Variants in PRSS53 observed in about 807,000 individuals in gnomAD.
PRSS53 encodes serine protease 53.
In PRSS53, 54 loss-of-function variants were observed where a neutral mutation model predicts 62.7. The ratio of observed to expected loss-of-function variants is 0.86; its 90% confidence interval spans 0.69 to 1.08. PRSS53 has a LOEUF of 1.08. Among genes scored for constraint, PRSS53 ranks in the 50% least tolerant of loss-of-function variants. PRSS53 has a pLI of 0.00. For synonymous variants in PRSS53, 273 were observed against 300.0 expected, an observed-to-expected ratio of 0.91 and a Z score of 0.93; for missense variants, 688 against 728.3, an observed-to-expected ratio of 0.94 and a Z score of 0.64.
At chr16:31,087,815 C>T (rs780756207) in exon 2 of PRSS53, 33 of 1,613,842 alleles carry the variant, frequency 2.0e-5, no homozygotes, top group Non-Finnish European at 2.5e-5. Context: ...CCACGCTGAG[C>T]GGCTTGAAGA....
At chr16:31,085,976 C>T in exon 6 of PRSS53, 4 of 1,613,786 alleles carry the variant, frequency 2.5e-6, no homozygotes, top group Non-Finnish European at 3.4e-6. Flanking sequence ...ACACAGCTGT[C>T]CTCATCACTC....
exon 11 of PRSS53, chr16:31,083,777 G>C: frequency 6.2e-7 from 1 of 1,614,130 alleles, no homozygotes; most frequent in Non-Finnish European, 8.5e-7. Context: ...CCTGAGAATG[G>C]CCAGGTCCCC....
chr16:31,085,948 C>A lies in PRSS53; in HGVS notation c.883+16G>T. The A allele has an allele frequency of 6.2e-7, 1 of 1,600,354 alleles. No homozygotes were observed. The highest frequency in any genetic ancestry group is 8.6e-7 in the Non-Finnish European group (1 of 1,168,534). ...CACAGTGGCTTCTGCCCACTCCCAG[C>A]ATGCCCCACTCGTACCTACACAGCT... On this transcript the variant is annotated intron_variant, in intron 6 of 10. Transcript: ENST00000280606.
exon 9 of PRSS53, chr16:31,084,624 A>T: frequency 1.2e-6 from 2 of 1,607,100 alleles, no homozygotes; most frequent in African/African-American, 1.3e-5. Flanking sequence ...GGCTGCCATC[A>T]CCCCCAGGAG....
In PRSS53 at chr16:31,084,280, C is replaced by G. The variant is rs1436554300; in HGVS notation, c.1481G>C (p.Gly494Ala). ...GCAAGCATCTCCGAAGCTGTGCAGC[C>G]CGGCCAGGAACCATGTGCCCCTCAC... Residue 494 changes from glycine (G) to alanine (A), a missense_variant, in exon 10 of 11, where the codon GGG becomes GCG. Physicochemically the swap from Gly to Ala is moderately conservative, Grantham distance 60. Coordinates refer to ENST00000280606, the Ensembl canonical transcript of PRSS53. The G allele has an allele frequency of 8.1e-6, 13 of 1,612,828 alleles. No homozygotes were observed. The Admixed American group carries it at 2.2e-4, about 27-fold the overall frequency.
rs750757570 is a variant in PRSS53 at position 31,084,109 on chromosome 16, G to C, written c.1642+10C>G. ...GGCAGGGTTTGGCAGGAGGCCCCGG[G>C]GCCACATACTTATGTTGGCCAGGCA... On this transcript the variant is annotated intron_variant, in intron 10 of 10. Coordinates refer to ENST00000280606, the Ensembl canonical transcript of PRSS53. 12 of 1,564,784 alleles carry C rather than the reference G, an allele frequency of 7.7e-6. No homozygotes were observed. Among genetic ancestry groups the C allele is most frequent in the Middle Eastern group, 1.8e-4 (1 of 5,608 alleles).
At chr16:31,088,472 CGAG>C in intron 1 of PRSS53, 3 of 1,313,438 alleles carry the variant, frequency 2.3e-6, no homozygotes, top group Non-Finnish European at 2.9e-6. Flanking sequence ...TTGTGGAAGT[CGAG>C]GGGGAGGCAG....
Position 31,085,963 on chromosome 16 carries a change from C to T in PRSS53, c.883+1G>A. On this transcript the variant is annotated splice_donor_variant, in intron 6 of 10. Transcript: ENST00000280606. LOFTEE classifies it high-confidence loss of function. ...CCACTCCCAGCATGCCCCACTCGTA[C>T]CTACACAGCTGTCCTCATCACTCAT... 2 of 1,609,268 alleles carry T rather than the reference C, an allele frequency of 1.2e-6. No homozygotes were observed. Among genetic ancestry groups the T allele is most frequent in the Non-Finnish European group, 1.7e-6 (2 of 1,176,108 alleles).
Position 31,084,773 on chromosome 16 carries a change from C to A in PRSS53, c.1279+7G>T. 1.9e-6 allele frequency: 3 copies of A among 1,564,762 alleles called. No homozygotes were observed. The highest frequency in any genetic ancestry group is 1.7e-6 in the Non-Finnish European group (2 of 1,152,274). On this transcript the variant is annotated splice_region_variant and intron_variant, in intron 8 of 10. Transcript: ENST00000280606. ...TGGACAGCAGCCCTGGCCCTGTGCC[C>A]ACCTACCTGCTCCTGGGCGGGCCCG...
At position 31,084,932 on chromosome 16, in the gene PRSS53, TG is replaced by T; in HGVS notation, c.1126del (p.His376ThrfsTer17). 6.5e-7 allele frequency: 1 copy of T among 1,544,170 alleles called. No individual in the cohort carries two copies. Among genetic ancestry groups the T allele is most frequent in the Non-Finnish European group, 8.7e-7 (1 of 1,143,386 alleles). On this transcript the variant is annotated frameshift_variant, in exon 8 of 11. Coordinates refer to ENST00000280606, the Ensembl canonical transcript of PRSS53. LOFTEE classifies it high-confidence loss of function. ...GGCCATGTCGTAGCCCCCCTCAGGG[TG>T]GGTGTAGGCTCCATGCAGGATGAGC...
At chr16:31,084,171 G>A (rs760220212) in exon 10 of PRSS53, 11 of 1,603,598 alleles carry the variant, frequency 6.9e-6, no homozygotes, top group Admixed American at 3.4e-5. Context: ...GTTCCTCGGC[G>A]AAGTAGACCT....
At chr16:31,086,406 G>T in exon 5 of PRSS53, 1 of 1,614,160 alleles carries the variant, frequency 6.2e-7, no homozygotes, top group Non-Finnish European at 8.5e-7. Flanking sequence ...GGTTGGACAG[G>T]TGTCGCTGGT....
chr16:31,088,535 CCCG>C (rs2057258012), intron 1 of PRSS53: 1 of 1,428,690 alleles, frequency 7.0e-7, no homozygotes, highest in African/African-American at 1.4e-5. Context: ...GACCACAGGC[CCCG>C]CCAACGCAAA....
Position 31,083,767 on chromosome 16 carries a change from C to A in PRSS53, c.*23G>T, listed in dbSNP as rs754483204. On this transcript the variant is annotated 3_prime_UTR_variant, in exon 11 of 11. Coordinates refer to ENST00000280606, the Ensembl canonical transcript of PRSS53. Reference sequence around the variant, plus strand: ...CATTTGCCTGCCTGCATTCTCTTGTCCTGAGAATGGCCAGGTCCCCTGTCA... The same window carrying A: ...CATTTGCCTGCCTGCATTCTCTTGTACTGAGAATGGCCAGGTCCCCTGTCA... The A allele has an allele frequency of 1.9e-6, 3 of 1,614,180 alleles. No homozygotes were observed. In the East Asian group the frequency reaches 6.7e-5, roughly 36 times the overall value.
chr16:31,084,411 C>G, intron 9 of PRSS53, 76 bp from the exon 10 acceptor site: 2 of 1,513,688 alleles, frequency 1.3e-6, no homozygotes, highest in Middle Eastern at 3.6e-4. Flanking sequence ...TAGGGAACCT[C>G]TGGCTGTTTG....
chr16:31,086,655 G>T, exon 4 of PRSS53: 1 of 1,540,050 alleles, frequency 6.5e-7, no homozygotes, highest in Non-Finnish European at 8.8e-7. Context: ...CCTGATCCCA[G>T]CCAGTGGCCC....
At chr16:31,084,129 C>T (rs975295513) in exon 10 of PRSS53, 7 of 1,579,164 alleles carry the variant, frequency 4.4e-6, no homozygotes, top group Non-Finnish European at 6.0e-6. Context: ...TTATGTTGGC[C>T]AGGCAGCTTC....
intron 4 of PRSS53, 49 bp from the exon 5 acceptor site, chr16:31,086,540 A>G (rs761560663): frequency 6.3e-7 from 1 of 1,580,568 alleles, no homozygotes; most frequent in South Asian, 1.1e-5. Flanking sequence ...CTGGGAAGCA[A>G]GGGAGACTGG....
chr16:31,087,036 GC>G, intron 3 of PRSS53, 138 bp from the exon 4 acceptor site: 2 of 903,564 alleles, frequency 2.2e-6, no homozygotes, highest in Non-Finnish European at 1.6e-6. Flanking sequence ...TCGTCCTGTC[GC>G]CCAGGCTGCA....
Sources: allele counts gnomAD v4.1 joint callset, GRCh38; gene constraint gnomAD v4.1.1; transcripts MANE v1.5; gene names NCBI Gene and HGNC (gene_info 2026-07-23, HGNC 2026-07-21).